Variants in PTPN14 observed in about 807,000 individuals in gnomAD.
The protein encoded by PTPN14 is tyrosine-protein phosphatase non-receptor type 14.
Under a neutral mutation model 126.8 loss-of-function variants are expected in PTPN14, and 53 were observed. The observed-to-expected ratio is 0.42, with a 90% CI of 0.34 to 0.53. PTPN14 has a LOEUF of 0.53. Ranked by LOEUF, PTPN14 falls within the 20% of genes least tolerant of loss-of-function variation. The pLI is 0.08. For missense variants in PTPN14, 1,257 were observed against 1,552.9 expected (o/e 0.81, Z 3.20); for synonymous variants, 630 against 599.3 (o/e 1.05, Z -0.75).
At chr1:214,444,662 A>T (rs1324224660) in intron 3 of PTPN14, among the ~76,000 whole-genome samples, 7 of 152,200 alleles carry the variant, frequency 4.6e-5, no homozygotes, top group Admixed American at 3.9e-4. Flanking sequence ...GGTATTTATA[A>T]GAAAGAAAAT....
intron 1 of PTPN14, among the ~76,000 whole-genome samples, chr1:214,524,498 A>G (rs189038874): frequency 2.2e-4 from 33 of 152,108 alleles, no homozygotes; most frequent in Non-Finnish European, 2.9e-5. Context: ...ACAAAAATGT[A>G]AAAATTAGCT....
At chr1:214,451,459 C>T (rs1253286939) in intron 3 of PTPN14, among the ~76,000 whole-genome samples, 1 of 152,130 alleles carries the variant, frequency 6.6e-6, no homozygotes, top group Non-Finnish European at 1.5e-5. Context: ...TGAGACACCA[C>T]GCCTGGCCAG....
chr1:214,415,904 TG>T (rs1180850182), intron 3 of PTPN14, among the ~76,000 whole-genome samples: 1 of 152,174 alleles, frequency 6.6e-6, no homozygotes, highest in Non-Finnish European at 1.5e-5. Flanking sequence ...AAACCTAATA[TG>T]GGCTAGAAAA....
At position 214,383,111 on chromosome 1, in the gene PTPN14, G is replaced by T. The variant is rs182273002; in HGVS notation, c.2544+200C>A. On this transcript the variant is annotated intron_variant, in intron 13 of 18. Transcript: ENST00000366956. This position sits in a 1 kb window ranked among gnomAD's most constrained non-coding sequence, Gnocchi z 4.4. ...CCTCAATAACGTACCAAGTACACCTGTTAGAAGCCACAAATGAGAATGGAA... is the reference window on the plus strand; with the variant it reads ...CCTCAATAACGTACCAAGTACACCTTTTAGAAGCCACAAATGAGAATGGAA... Among the ~76,000 whole-genome samples the T allele has an allele frequency of 1.3e-3, 195 of 152,358 alleles. 2 individuals are homozygous for T. The highest frequency in any genetic ancestry group is 6.9e-3 in the Admixed American group (106 of 15,306).
intron 10 of PTPN14, 31 bp from the exon 11 acceptor site, chr1:214,391,076 T>C: frequency 2.0e-6 from 3 of 1,494,006 alleles, no homozygotes; most frequent in Non-Finnish European, 2.8e-6. Context: ...ATGAGAATGG[T>C]TATTATTATT....
Position 214,384,067 on chromosome 1 carries a change from G to C in PTPN14, c.1788C>G (p.Asp596Glu), listed in dbSNP as rs761776001. The C allele has an allele frequency of 6.3e-7, 1 of 1,580,718 alleles. No homozygotes were observed. The highest frequency in any genetic ancestry group is 8.6e-7 in the Non-Finnish European group (1 of 1,166,154). ...RHKYVSGSSP[D>E]LVTRKVQLSV... ...AGAGCTGCACCTTCCGGGTCACCAG[G>C]TCCGGGCTGCTGCCGCTGACGTACT... Residue 596 changes from aspartate (D) to glutamate (E), a missense_variant, in exon 13 of 19, where the codon GAC becomes GAG. This residue lies in a region of PTPN14 where 1,021 missense variants were observed against 1,183.3 expected (regional missense o/e 0.86). Coordinates refer to ENST00000366956, the MANE Select transcript of PTPN14 (RefSeq NM_005401.5). This position sits in a 1 kb window ranked among gnomAD's most constrained non-coding sequence, Gnocchi z 5.3.
At chr1:214,388,405 T>C (rs1445222271) in intron 11 of PTPN14, among the ~76,000 whole-genome samples, 1 of 152,120 alleles carries the variant, frequency 6.6e-6, no homozygotes, top group Admixed American at 6.5e-5. Flanking sequence ...ATTTCTTTTT[T>C]CTTTTTTTTT....
intron 1 of PTPN14, among the ~76,000 whole-genome samples, chr1:214,520,241 C>T (rs1032718781): frequency 6.6e-6 from 1 of 151,586 alleles, no homozygotes; most frequent in Non-Finnish European, 1.5e-5. Context: ...AGGTTATGAA[C>T]GTCTTATCCA....
chr1:214,503,419 G>T (rs758427052), intron 1 of PTPN14, among the ~76,000 whole-genome samples: 1 of 152,146 alleles, frequency 6.6e-6, no homozygotes, highest in African/African-American at 2.4e-5. Flanking sequence ...AGAATTTAAC[G>T]GCAGCTGCCT....
intron 2 of PTPN14, 41 bp from the exon 3 acceptor site, chr1:214,452,015 C>G (rs761742795): frequency 1.3e-6 from 2 of 1,578,642 alleles, no homozygotes; most frequent in Admixed American, 3.5e-5. Context: ...ATGCTCACCA[C>G]AAGCATCCCA....
intron 1 of PTPN14, among the ~76,000 whole-genome samples, chr1:214,511,162 C>T (rs1302888974): frequency 6.6e-6 from 1 of 152,140 alleles, no homozygotes; most frequent in Non-Finnish European, 1.5e-5. Context: ...GATTACAAGG[C>T]ATAAGCCACT....
chr1:214,449,333 C>G (rs937155898), intron 3 of PTPN14, among the ~76,000 whole-genome samples: 1 of 152,176 alleles, frequency 6.6e-6, no homozygotes, highest in African/African-American at 2.4e-5. Context: ...CTTAAACAAC[C>G]TTTTTCTTTT....
intron 16 of PTPN14, among the ~76,000 whole-genome samples, 184 bp downstream of exon 16, chr1:214,372,527 T>C (rs1288501956): frequency 6.6e-6 from 1 of 152,074 alleles, no homozygotes; most frequent in African/African-American, 2.4e-5. Context: ...CAATCAATTA[T>C]CTCCAGGGGA....
At chr1:214,405,769 T>C (rs1350360682) in intron 5 of PTPN14, among the ~76,000 whole-genome samples, 2 of 152,248 alleles carry the variant, frequency 1.3e-5, no homozygotes, top group Non-Finnish European at 1.5e-5. Context: ...CAACTTGTAT[T>C]ATGTATTTCA....
chr1:214,539,688 A>G (rs1655790164), intron 1 of PTPN14, among the ~76,000 whole-genome samples: 1 of 152,072 alleles, frequency 6.6e-6, no homozygotes, highest in Non-Finnish European at 1.5e-5. Context: ...AGGAGTGAGA[A>G]AGGCAATAAA....
chr1:214,513,720 T>C (rs1285973074), intron 1 of PTPN14, among the ~76,000 whole-genome samples: 2 of 152,280 alleles, frequency 1.3e-5, no homozygotes, highest in African/African-American at 2.4e-5. Flanking sequence ...GCTGTGTCAG[T>C]TGAGCTATAT....
At chr1:214,427,098 G>A (rs915816886) in intron 3 of PTPN14, among the ~76,000 whole-genome samples, 2 of 151,942 alleles carry the variant, frequency 1.3e-5, no homozygotes, top group African/African-American at 4.8e-5. Flanking sequence ...GGCCAACCTG[G>A]TAAAACCCCA....
intron 1 of PTPN14, among the ~76,000 whole-genome samples, chr1:214,471,903 A>C (rs1660768102): frequency 6.6e-6 from 1 of 152,102 alleles, no homozygotes; most frequent in Admixed American, 6.5e-5. Context: ...TTTTTTCCCC[A>C]GGGGAAATTG....
chr1:214,470,764 A>G (rs1224291108), intron 1 of PTPN14, among the ~76,000 whole-genome samples: 1 of 140,844 alleles, frequency 7.1e-6, no homozygotes, highest in African/African-American at 2.7e-5. Context: ...AGCCTGGGCA[A>G]TAAGAGTGAA....
Sources: allele counts gnomAD v4.1 joint callset (sites outside exome capture counted in the v4.1 genomes callset), GRCh38; gene constraint gnomAD v4.1.1; regional missense constraint gnomAD v4.1.1; non-coding constraint Gnocchi (gnomAD v3.1); transcripts MANE v1.5; gene names NCBI Gene and HGNC (gene_info 2026-07-23, HGNC 2026-07-21).